The following ACSBG1 variants were observed in gnomAD, a reference collection of about 807,000 sequenced individuals.
ACSBG1 encodes the protein long-chain-fatty-acid--CoA ligase ACSBG1.
A neutral mutation model predicts 80.2 loss-of-function variants in ACSBG1; 39 were observed. The ratio of observed to expected loss-of-function variants is 0.49; its 90% CI spans 0.38 to 0.64. The LOEUF (loss-of-function observed/expected upper bound fraction) is 0.64, where lower values mean the gene tolerates loss of function less well. Ranked by LOEUF, ACSBG1 falls within the 30% of genes least tolerant of loss-of-function variation. ACSBG1 has a pLI of 0.00. For missense variants in ACSBG1, 828 were observed against 966.4 expected (o/e 0.86, Z 1.90); for synonymous variants, 392 against 379.5 (o/e 1.03, Z -0.38).
chr15:78,170,654 G>C lies in ACSBG1; in HGVS notation c.*790C>G, dbSNP rs2074808574. On this transcript the variant is annotated 3_prime_UTR_variant, in exon 14 of 14. Transcript: ENST00000258873. ...TTCAGAATGGAAGTGGGGTGGTCTG[G>C]TGGCGACAGGCTAACGTAGAGCTGG... 6.7e-6 allele frequency: 1 copy of C among 149,328 alleles called. No homozygotes were observed. The highest frequency in any genetic ancestry group is 2.1e-4 in the South Asian group (1 of 4,822). The allele number at this position is 149,328 out of a possible 1,614,324, so 9.3% of individuals were successfully genotyped here.
rs1396016005 is a variant in ACSBG1, at chr15:78,178,535, C to G, written c.1702+79G>C. ...CAGGGTGGTCTTGAACTCCTGAGCT[C>G]AGACAATCTGCCCGCCTTGGCCTCC... is the stretch of plus-strand genomic sequence containing the variant. On this transcript the variant is annotated intron_variant, in intron 11 of 13. Coordinates refer to ENST00000258873, the MANE Select transcript of ACSBG1 (RefSeq NM_015162.5). This position sits in a 1 kb window ranked among gnomAD's most constrained non-coding sequence, Gnocchi z 4.3. The G allele has an allele frequency of 1.3e-6, 2 of 1,483,650 alleles. No individual in the cohort carries two copies. The highest frequency in any genetic ancestry group is 1.8e-6 in the Non-Finnish European group (2 of 1,110,300). 91.9% of individuals were successfully genotyped at this position (1,483,650 alleles called of 1,614,324 possible).
At chr15:78,189,085 G>C (rs1162825749) in intron 5 of ACSBG1, among the ~76,000 whole-genome samples, 1 of 151,874 alleles carries the variant, frequency 6.6e-6, no homozygotes, top group African/African-American at 2.4e-5. Flanking sequence ...CACCATCACT[G>C]GCCATCAGAG....
At chr15:78,196,797 T>G (rs2075118170) in intron 2 of ACSBG1, among the ~76,000 whole-genome samples, 1 of 152,000 alleles carries the variant, frequency 6.6e-6, no homozygotes, top group Non-Finnish European at 1.5e-5. Context: ...AGTGGCCTGG[T>G]GCAGTGGCTC....
chr15:78,221,507 G>C (rs947438119), intron 1 of ACSBG1, among the ~76,000 whole-genome samples: 1 of 152,108 alleles, frequency 6.6e-6, no homozygotes, highest in Non-Finnish European at 1.5e-5. Context: ...AGAACAGAAC[G>C]AATAGTTAGC....
Position 78,194,608 on chromosome 15 carries a change from C to T in ACSBG1, c.351G>A (p.Gly117=), listed in dbSNP as rs750466372. The T allele has an allele frequency of 1.6e-5, 26 of 1,614,272 alleles. No individual in the cohort carries two copies. Among genetic ancestry groups the T allele is most frequent in the South Asian group, 3.3e-5 (3 of 91,090 alleles). The change falls in exon 3 of 14, where the codon GGG becomes GGA. Residue 117 remains glycine (G), a synonymous_variant. Transcript: ENST00000258873. The stretch of plus-strand genomic sequence containing the variant: ...GCTTGAAGCCCAAAGCGATGAGGTC[C>T]CCATACTTATCCAGGGCCTCGTAGA... ...RMFYEALDKY[G]DLIALGFKRQ...
intron 9 of ACSBG1, 126 bp downstream of exon 9, chr15:78,180,629 C>G: frequency 7.2e-6 from 9 of 1,249,064 alleles, no homozygotes; most frequent in African/African-American, 1.5e-5. Flanking sequence ...GGCCTCTGCA[C>G]GGGGTCTCCA....
At chr15:78,218,308 C>T (rs1212609610) in intron 1 of ACSBG1, among the ~76,000 whole-genome samples, 1 of 152,054 alleles carries the variant, frequency 6.6e-6, no homozygotes, top group Non-Finnish European at 1.5e-5. Flanking sequence ...TGGGGTGAGG[C>T]TTCTGCCAGT....
intron 1 of ACSBG1, chr15:78,213,300 G>C (rs940687552): frequency 4.6e-5 from 7 of 152,502 alleles, no homozygotes; most frequent in Non-Finnish European, 7.3e-5. Context: ...TCTTTAGTCT[G>C]CATGGACTGC....
intron 2 of ACSBG1, among the ~76,000 whole-genome samples, chr15:78,194,980 C>A (rs2075099677): frequency 1.3e-5 from 2 of 152,242 alleles, no homozygotes; most frequent in Admixed American, 1.3e-4. Flanking sequence ...AACTGGAGGA[C>A]AGACGGAAGT....
chr15:78,184,002 A>G (rs2141334111), intron 5 of ACSBG1, among the ~76,000 whole-genome samples: 1 of 152,340 alleles, frequency 6.6e-6, no homozygotes, highest in East Asian at 1.9e-4. Flanking sequence ...AGAAGAAAAA[A>G]AAAGAAAGAA....
intron 2 of ACSBG1, among the ~76,000 whole-genome samples, chr15:78,206,912 T>C (rs911917466): frequency 1.3e-5 from 2 of 152,150 alleles, no homozygotes; most frequent in African/African-American, 4.8e-5. Context: ...ATTGCAGGAA[T>C]GCCTGTGCCA....
rs879483746 is a variant in ACSBG1, at chr15:78,233,687, C to CGT, written c.131+682_131+683dup. Among the ~76,000 whole-genome samples the CGT allele has an allele frequency of 2.5e-3, 378 of 152,144 alleles. 2 individuals are homozygous for CGT. Among genetic ancestry groups the CGT allele is most frequent in the African/African-American group, 5.7e-3 (238 of 41,514 alleles). ...CACAGATGTTGGGGTCCTGGAGTTC[C>CGT]GTGTGTGTGCGTGTGCGCGTGCGCC... is the stretch of plus-strand genomic sequence containing the variant. On this transcript the variant is annotated intron_variant, in intron 1 of 13. Coordinates refer to ENST00000258873, the MANE Select transcript of ACSBG1 (RefSeq NM_015162.5).
intron 5 of ACSBG1, among the ~76,000 whole-genome samples, chr15:78,186,366 T>A (rs1277107571): frequency 1.3e-5 from 2 of 152,126 alleles, no homozygotes; most frequent in Non-Finnish European, 2.9e-5. Flanking sequence ...ATCAACAGAA[T>A]ATACATTTTT....
chr15:78,208,030 C>T lies in ACSBG1; in HGVS notation c.204G>A (p.Lys68=), dbSNP rs2075232429. 1 of 1,613,678 alleles carries T rather than the reference C, an allele frequency of 6.2e-7. No individual in the cohort carries two copies. Among genetic ancestry groups the T allele is most frequent in the East Asian group, 2.2e-5 (1 of 44,868 alleles). Reference sequence around the variant, plus strand: ...GAGCATCCCACTGGGCATTATTCACCTTCTCTGGCACTGAGAGCTCGAGAG... The same window carrying T: ...GAGCATCCCACTGGGCATTATTCACTTTCTCTGGCACTGAGAGCTCGAGAG... ...NHALELSVPE[K]VNNAQWDAPE... is the part of the protein sequence containing the mutation. Residue 68 remains lysine (K), a synonymous_variant, in exon 2 of 14, where the codon AAG becomes AAA. Transcript: ENST00000258873.
intron 13 of ACSBG1, among the ~76,000 whole-genome samples, chr15:78,173,124 T>C (rs1339416592): frequency 6.6e-6 from 1 of 151,998 alleles, no homozygotes; most frequent in Non-Finnish European, 1.5e-5. Flanking sequence ...GGCGGGCGGA[T>C]CACCTGAGGT....
At chr15:78,230,944 G>A (rs1227838737) in intron 1 of ACSBG1, among the ~76,000 whole-genome samples, 4 of 152,134 alleles carry the variant, frequency 2.6e-5, no homozygotes, top group Non-Finnish European at 4.4e-5. Context: ...CATCACAATG[G>A]TCACAACAAT....
At position 78,226,793 on chromosome 15, in the gene ACSBG1, T is replaced by TATATATAATATATATATATATATA. The variant is rs1555434842; in HGVS notation, c.131+7577_131+7578insTATATATATATATATATTATATAT. 7.8e-4 allele frequency among the ~76,000 whole-genome samples: 100 copies of TATATATAATATATATATATATATA among 129,002 alleles called. 1 individual carries two copies. The highest frequency in any genetic ancestry group is 2.7e-3 in the African/African-American group (93 of 33,836). The allele number at this position is 129,002 out of a possible 152,430, so 84.6% of individuals were successfully genotyped here. ...AGTAGAACACATAGAAAAATATATATATATATATAATATATATATATGACC... is the reference window on the plus strand; with the variant it reads ...AGTAGAACACATAGAAAAATATATATATATATAATATATATATATATATAATATATATAATATATATATATGACC... On this transcript the variant is annotated intron_variant, in intron 1 of 13. Coordinates refer to ENST00000258873, the MANE Select transcript of ACSBG1 (RefSeq NM_015162.5).
At chr15:78,198,983 T>C (rs2075141542) in intron 2 of ACSBG1, among the ~76,000 whole-genome samples, 1 of 152,190 alleles carries the variant, frequency 6.6e-6, no homozygotes, top group South Asian at 2.1e-4. Context: ...GGCAGTCTTC[T>C]TTTCCAGGAA....
chr15:78,211,575 A>T (rs2075267732), intron 1 of ACSBG1, among the ~76,000 whole-genome samples: 1 of 152,234 alleles, frequency 6.6e-6, no homozygotes, highest in Non-Finnish European at 1.5e-5. Context: ...CTTTCACAGA[A>T]AACAAAAACA....
Sources: gnomAD v4.1 joint callset for allele counts (sites outside exome capture counted in the v4.1 genomes callset) on GRCh38, gnomAD v4.1.1 for gene constraint, Gnocchi (gnomAD v3.1) non-coding constraint, MANE v1.5 for transcripts, NCBI Gene and HGNC (gene_info 2026-07-23, HGNC 2026-07-21) for gene names.